MLC1: variants seen among roughly 807,000 people sequenced by gnomAD.
MLC1 encodes modulator of VRAC current 1, also known as membrane protein MLC1.
MLC1 carries 32 observed loss-of-function variants against 44.7 expected under a neutral mutation model. That is an observed-to-expected ratio of 0.72 (90% CI 0.54 to 0.96). MLC1 has a LOEUF of 0.96. MLC1 is among the 40% of genes least tolerant of loss of function. MLC1 has a pLI of 0.00. For synonymous variants in MLC1, 190 were observed against 213.0 expected (o/e 0.89, Z 0.94); for missense variants, 459 against 492.2 (o/e 0.93, Z 0.64).
intron 3 of MLC1, among the ~76,000 whole-genome samples, chr22:50,082,819 C>T (rs560030448): frequency 1.9e-4 from 29 of 152,212 alleles, no homozygotes; most frequent in South Asian, 6.2e-4. Context: ...CACCCACCAC[C>T]GCGCCCAGCT....
intron 5 of MLC1, 84 bp from the exon 6 acceptor site, chr22:50,077,586 G>A: frequency 9.3e-7 from 1 of 1,076,000 alleles, no homozygotes. Context: ...CACCTCACGG[G>A]CAGGCTGCGC....
chr22:50,082,962 G>A, intron 3 of MLC1, 122 bp downstream of exon 3: 1 of 999,912 alleles, frequency 1.0e-6, no homozygotes, highest in Non-Finnish European at 1.6e-6. Flanking sequence ...ACTGTGCCCG[G>A]CCCATATGAA....
intron 10 of MLC1, among the ~76,000 whole-genome samples, chr22:50,067,985 G>A (rs946825265): frequency 6.6e-6 from 1 of 151,470 alleles, no homozygotes; most frequent in African/African-American, 2.4e-5. Context: ...AAAACACTAG[G>A]TATCTAAGAA....
chr22:50,072,581 C>G (rs568404760), intron 8 of MLC1, among the ~76,000 whole-genome samples: 5 of 152,190 alleles, frequency 3.3e-5, no homozygotes, highest in African/African-American at 1.2e-4. Context: ...GAGGGGTCTG[C>G]GGGATGGGAG....
intron 9 of MLC1, 39 bp downstream of exon 9, chr22:50,070,487 CG>C: frequency 1.3e-6 from 2 of 1,541,878 alleles, no homozygotes; most frequent in South Asian, 2.4e-5. Context: ...TGGCCCCGCT[CG>C]GTGGGTCCCT....
intron 8 of MLC1, among the ~76,000 whole-genome samples, chr22:50,073,388 G>A (rs1018473964): frequency 2.6e-5 from 4 of 152,240 alleles, no homozygotes; most frequent in African/African-American, 7.2e-5. Context: ...CAGGTGGGTG[G>A]TGGCTCTGGG....
At position 50,070,557 on chromosome 22, in the gene MLC1, A is replaced by G. The variant is rs1401280860; in HGVS notation, c.741T>C (p.His247=). 1 of 1,565,192 alleles carries G rather than the reference A, an allele frequency of 6.4e-7. No homozygotes were observed. Among genetic ancestry groups the G allele is most frequent in the Non-Finnish European group, 8.7e-7 (1 of 1,153,986 alleles). The change falls in exon 9 of 12, where the codon CAT becomes CAC. Residue 247 remains histidine (H), a synonymous_variant. Transcript: ENST00000311597. ...ACTTGCTGGGACACTCTGCTGCCAC[A>G]TGACTGGCAATGGCACTTGGAAAGC... is the stretch of plus-strand genomic sequence containing the variant. ...VACFPSAIAS[H]VAAECPSKCL... is the part of the protein sequence containing the mutation.
chr22:50,066,355 C>G (rs1289080889), intron 10 of MLC1, among the ~76,000 whole-genome samples: 2 of 151,496 alleles, frequency 1.3e-5, no homozygotes, highest in Non-Finnish European at 2.9e-5. Context: ...TAAATAAATA[C>G]ATAACTAAAA....
intron 3 of MLC1, among the ~76,000 whole-genome samples, chr22:50,081,663 G>A (rs2062144966): frequency 6.6e-6 from 1 of 152,278 alleles, no homozygotes. Flanking sequence ...GCAGTGCTGG[G>A]TGAGGAGGCA....
chr22:50,085,009 T>A lies in MLC1; in HGVS notation c.-59-48A>T, dbSNP rs1190124836. 5 of 1,531,426 alleles carry A rather than the reference T, an allele frequency of 3.3e-6. No individual in the cohort carries two copies. The African/African-American group carries it at 6.8e-5, about 21-fold the overall frequency. 94.9% of individuals were successfully genotyped at this position (1,531,426 alleles called of 1,614,324 possible). On this transcript the variant is annotated intron_variant, in intron 1 of 11. Transcript: ENST00000311597. ...TTTGGCCACTCTGAGGAAACTTCAA[T>A]AAGTTGTTTCCAAGAAATATTTTTT...
At chr22:50,070,723 G>A in intron 8 of MLC1, 140 bp from the exon 9 acceptor site, 3 of 873,500 alleles carry the variant, frequency 3.4e-6, no homozygotes, top group Middle Eastern at 2.2e-4. Flanking sequence ...ATGGTGCAGT[G>A]CCCAAAGGCG....
intron 3 of MLC1, among the ~76,000 whole-genome samples, chr22:50,080,624 C>A (rs1177932721): frequency 6.6e-6 from 1 of 152,260 alleles, no homozygotes; most frequent in East Asian, 1.9e-4. Context: ...CTGATCTTAA[C>A]TTTGGGCTCA....
rs35730155 is a variant in MLC1, at chr22:50,059,960, C to A, written c.*1623G>T. On this transcript the variant is annotated 3_prime_UTR_variant, in exon 12 of 12. Transcript: ENST00000311597. ...GGCAGCCAGAGTCACTCCTGTTCCG[C>A]AGTGGGAAACCTGGGAGGGTCCTCA... 22,819 of 152,256 alleles carry A rather than the reference C, an allele frequency of 0.15. 1,830 individuals carry two copies. Among genetic ancestry groups the A allele is most frequent in the East Asian group, 0.19 (995 of 5,218 alleles). 9.4% of individuals were successfully genotyped at this position (152,256 alleles called of 1,614,324 possible).
chr22:50,061,503 A>G lies in MLC1; in HGVS notation c.*80T>C. On this transcript the variant is annotated 3_prime_UTR_variant, in exon 12 of 12. Coordinates refer to ENST00000311597, the MANE Select transcript of MLC1 (RefSeq NM_015166.4). ...AGGGAAAAGAGGTGTTAGAAGCAGT[A>G]GCTCAGGGCGATTAGGGGTTGTGCG... 1 of 1,426,372 alleles carries G rather than the reference A, an allele frequency of 7.0e-7. No individual in the cohort carries two copies. The highest frequency in any genetic ancestry group is 9.8e-7 in the Non-Finnish European group (1 of 1,015,812). 88.4% of individuals were successfully genotyped at this position (1,426,372 alleles called of 1,614,324 possible). A position where few individuals can be genotyped will look rare whatever the true frequency, so the allele number is the denominator to read the frequency against.
At position 50,061,389 on chromosome 22, in the gene MLC1, G is replaced by A. The variant is rs1183208656; in HGVS notation, c.*194C>T. ...ACTCGGAGCTGACTGATCTCACTGA[G>A]GCACAGACTAGCCAACATTGGCCTA... is the stretch of plus-strand genomic sequence containing the variant. On this transcript the variant is annotated 3_prime_UTR_variant, in exon 12 of 12. Coordinates refer to ENST00000311597, the MANE Select transcript of MLC1 (RefSeq NM_015166.4). 3.1e-6 allele frequency: 2 copies of A among 641,734 alleles called. No individual in the cohort carries two copies. The highest frequency in any genetic ancestry group is 5.6e-6 in the Non-Finnish European group (2 of 357,192). 39.8% of individuals were successfully genotyped at this position (641,734 alleles called of 1,614,324 possible).
intron 1 of MLC1, 192 bp downstream of exon 1, chr22:50,085,163 G>A (rs2062250518): frequency 7.4e-7 from 1 of 1,351,578 alleles, no homozygotes; most frequent in Admixed American, 3.1e-5. Context: ...TTCAGGGTGA[G>A]ATTCTACACT....
At chr22:50,062,024 TC>T (rs1257235162) in intron 11 of MLC1, among the ~76,000 whole-genome samples, 1 of 152,016 alleles carries the variant, frequency 6.6e-6, no homozygotes, top group African/African-American at 2.4e-5. Context: ...ACCAGATGCC[TC>T]CAGGCAAAAG....
intron 10 of MLC1, among the ~76,000 whole-genome samples, chr22:50,067,430 T>C (rs138414347): frequency 0.15 from 7,637 of 50,150 alleles, 385 homozygotes; most frequent in South Asian, 0.23. Flanking sequence ...CTCTATCCCC[T>C]GTCAGGCAGT....
At chr22:50,074,922 CA>C (rs1341689622) in intron 7 of MLC1, among the ~76,000 whole-genome samples, 4 of 152,242 alleles carry the variant, frequency 2.6e-5, no homozygotes, top group African/African-American at 9.6e-5. Context: ...AAATAGGAGG[CA>C]GAGCTGTCTC....
Sources: allele counts gnomAD v4.1 joint callset (sites outside exome capture counted in the v4.1 genomes callset), GRCh38; gene constraint gnomAD v4.1.1; transcripts MANE v1.5; gene names NCBI Gene and HGNC (gene_info 2026-07-23, HGNC 2026-07-21).